RAI14: variants seen among roughly 807,000 people sequenced by gnomAD.
RAI14 encodes retinoic acid induced 14, also known as ankycorbin.
Under a neutral mutation model 115.4 loss-of-function variants are expected in RAI14, and 45 were observed. That is an observed-to-expected ratio of 0.39 (90% CI 0.31 to 0.50). The LOEUF (loss-of-function observed/expected upper bound fraction) is 0.50. Ranked by LOEUF, RAI14 falls within the 20% of genes least tolerant of loss-of-function variation. The pLI is 0.85. For missense variants in RAI14, 939 were observed against 1,131.2 expected (o/e 0.83, Z 2.44); for synonymous variants, 371 against 415.4 (o/e 0.89, Z 1.30).
At chr5:34,695,946 T>C (rs1444278908) in intron 2 of RAI14, among the ~76,000 whole-genome samples, 1 of 151,656 alleles carries the variant, frequency 6.6e-6, no homozygotes, top group Non-Finnish European at 1.5e-5. Context: ...GCCTCCCAAA[T>C]AGCTAGGACT....
intron 3 of RAI14, among the ~76,000 whole-genome samples, chr5:34,781,798 G>C (rs1300238063): frequency 1.3e-5 from 2 of 152,158 alleles, no homozygotes; most frequent in African/African-American, 4.8e-5. Flanking sequence ...CTTGATCATG[G>C]AGACCCTAAC....
intron 17 of RAI14, 93 bp from the exon 18 acceptor site, chr5:34,830,595 T>C: frequency 6.3e-7 from 1 of 1,580,144 alleles, no homozygotes. Flanking sequence ...TTAGCCCAGG[T>C]CTTCATTGCA....
At chr5:34,734,087 T>A (rs562027334) in intron 2 of RAI14, among the ~76,000 whole-genome samples, 282 of 152,354 alleles carry the variant, frequency 1.9e-3, no homozygotes, top group Middle Eastern at 0.014. Flanking sequence ...TCTCTGTGGC[T>A]CAGAGGAACA....
chr5:34,799,055 A>T (rs897737713), intron 4 of RAI14, among the ~76,000 whole-genome samples: 2 of 152,218 alleles, frequency 1.3e-5, no homozygotes, highest in African/African-American at 4.8e-5. Context: ...GAACACGGGA[A>T]CAAAAGAAGA....
chr5:34,681,210 T>A (rs1298567973), intron 1 of RAI14, among the ~76,000 whole-genome samples: 1 of 152,214 alleles, frequency 6.6e-6, no homozygotes, highest in Non-Finnish European at 1.5e-5. Context: ...GAATTGAATG[T>A]TTATATAGCT....
At chr5:34,824,621 T>G (rs1757253272) in intron 15 of RAI14, 130 bp downstream of exon 15, 1 of 746,280 alleles carries the variant, frequency 1.3e-6, no homozygotes, top group Non-Finnish European at 2.0e-6. Flanking sequence ...ACATGAACTT[T>G]ATCTGTCACC....
At chr5:34,752,727 G>GTATATA (rs1462269667) in intron 2 of RAI14, among the ~76,000 whole-genome samples, 53 of 86,696 alleles carry the variant, frequency 6.1e-4, no homozygotes, top group Non-Finnish European at 8.9e-4. Context: ...GTGTGTGTGT[G>GTATATA]TGTGTGTGTG....
chr5:34,657,793 C>T (rs1488785028), intron 1 of RAI14, among the ~76,000 whole-genome samples: 1 of 152,228 alleles, frequency 6.6e-6, no homozygotes, highest in Admixed American at 6.5e-5. Flanking sequence ...CTCACCTCCT[C>T]GGGCTTTGCA....
At chr5:34,694,240 G>C (rs1316364753) in intron 2 of RAI14, among the ~76,000 whole-genome samples, 2 of 152,218 alleles carry the variant, frequency 1.3e-5, no homozygotes, top group East Asian at 3.8e-4. Context: ...AATGAAGGCT[G>C]TTGTTGTCCT....
intron 3 of RAI14, among the ~76,000 whole-genome samples, chr5:34,795,491 T>G (rs1482999777): frequency 6.6e-6 from 1 of 152,218 alleles, no homozygotes; most frequent in East Asian, 1.9e-4. Context: ...TTGGCCACTG[T>G]TTGACTTAGA....
intron 2 of RAI14, among the ~76,000 whole-genome samples, chr5:34,744,673 T>C (rs1373420359): frequency 6.6e-6 from 1 of 152,232 alleles, no homozygotes; most frequent in Non-Finnish European, 1.5e-5. Context: ...GATGCTTATA[T>C]TTTCTTTGCC....
chr5:34,699,366 C>A (rs756672636), intron 2 of RAI14, among the ~76,000 whole-genome samples: 2 of 152,164 alleles, frequency 1.3e-5, no homozygotes, highest in Non-Finnish European at 2.9e-5. Context: ...AGCCTCAGCT[C>A]CTTCTGGGGC....
At chr5:34,708,298 G>A (rs1052548260) in intron 2 of RAI14, among the ~76,000 whole-genome samples, 4 of 151,464 alleles carry the variant, frequency 2.6e-5, no homozygotes, top group African/African-American at 9.7e-5. Context: ...TGCCTCCCGC[G>A]TTCAAGCGAT....
chr5:34,772,946 T>G (rs759329393), intron 3 of RAI14, among the ~76,000 whole-genome samples: 3 of 152,202 alleles, frequency 2.0e-5, no homozygotes, highest in Non-Finnish European at 2.9e-5. Context: ...AGTCATTTTG[T>G]GTAAATCTTC....
intron 3 of RAI14, among the ~76,000 whole-genome samples, chr5:34,783,134 C>T (rs913007512): frequency 2.6e-5 from 4 of 152,270 alleles, no homozygotes; most frequent in Middle Eastern, 6.8e-3. Flanking sequence ...CTGTGTCAGC[C>T]CTTGCTAAAG....
chr5:34,722,594 C>T (rs1742904940), intron 2 of RAI14, among the ~76,000 whole-genome samples: 1 of 152,128 alleles, frequency 6.6e-6, no homozygotes, highest in Non-Finnish European at 1.5e-5. Context: ...GCCTGTAATC[C>T]CAGCACTTTG....
Position 34,824,222 on chromosome 5 carries a change from T to A in RAI14, c.2380T>A (p.Ser794Thr), listed in dbSNP as rs141014809. ...TCGGTCTTCCTATGAAAAACTCCAG[T>A]CATCCTTAGAGAGTGAAGTGAGTGT... ...VPRSSYEKLQ[S>T]SLESEVSVLA... Residue 794 changes from serine (S) to threonine (T), a missense_variant, in exon 15 of 18, where the codon TCA (serine) becomes ACA (threonine). Transcript: ENST00000265109. 9 of 1,614,140 alleles carry A rather than the reference T, an allele frequency of 5.6e-6. No individual in the cohort carries two copies. In the African/African-American group the frequency reaches 1.1e-4, roughly 19 times the overall value.
rs1215051852 is a variant in RAI14, at chr5:34,791,069, A to C, written c.168-4870A>C. On this transcript the variant is annotated intron_variant, in intron 3 of 17. Coordinates refer to ENST00000265109, the MANE Select transcript of RAI14 (RefSeq NM_015577.3). This position sits in a 1 kb window ranked among gnomAD's most constrained non-coding sequence, Gnocchi z 5.4. ...TCTGAGAGTCTTAATTACATTTTAC[A>C]AATTACATGGATGGTTGGGTTGGTA... is the stretch of plus-strand genomic sequence containing the variant. Among the ~76,000 whole-genome samples, 1 of 152,178 alleles carries C rather than the reference A, an allele frequency of 6.6e-6. No individual in the cohort carries two copies. The highest frequency in any genetic ancestry group is 2.4e-5 in the African/African-American group (1 of 41,448).
At chr5:34,688,164 A>C in intron 2 of RAI14, 1 of 1,542,512 alleles carries the variant, frequency 6.5e-7, no homozygotes, top group Non-Finnish European at 8.7e-7. Context: ...CCGACTTCCG[A>C]GAAACCTCCT....
Sources: allele counts gnomAD v4.1 joint callset (sites outside exome capture counted in the v4.1 genomes callset), GRCh38; gene constraint gnomAD v4.1.1; non-coding constraint Gnocchi (gnomAD v3.1); transcripts MANE v1.5; gene names NCBI Gene and HGNC (gene_info 2026-07-23, HGNC 2026-07-21).